SUMF1: variants seen among roughly 807,000 people sequenced by gnomAD.
SUMF1 encodes the protein sulfatase modifying factor 1.
In SUMF1, 48 loss-of-function variants were observed where a neutral mutation model predicts 47.6. The ratio of observed to expected loss-of-function variants is 1.01; its 90% CI spans 0.80 to 1.28. The LOEUF is 1.28. Ranked by LOEUF, SUMF1 falls within the 50% of genes most tolerant of loss-of-function variation. The pLI, the probability that SUMF1 is intolerant of heterozygous loss-of-function variation, is 0.00. For synonymous variants in SUMF1, 230 were observed against 192.1 expected (o/e 1.20, Z -1.63); for missense variants, 571 against 485.4 (o/e 1.18, Z -1.66).
chr3:4,147,965 G>T (rs1046497332), intron 8 of SUMF1, among the ~76,000 whole-genome samples: 1 of 152,058 alleles, frequency 6.6e-6, no homozygotes, highest in Non-Finnish European at 1.5e-5. Flanking sequence ...CACTATGCTA[G>T]GAAATCACAT....
chr3:4,270,013 T>G (rs1697272257), intron 8 of SUMF1, among the ~76,000 whole-genome samples: 1 of 152,140 alleles, frequency 6.6e-6, no homozygotes, highest in Non-Finnish European at 1.5e-5. Context: ...ACCATCTCAT[T>G]TAGTCCCCAC....
intron 8 of SUMF1, among the ~76,000 whole-genome samples, chr3:4,095,475 CA>C (rs1325570160): frequency 6.6e-6 from 1 of 152,016 alleles, no homozygotes; most frequent in Non-Finnish European, 1.5e-5. Context: ...CCACACCACA[CA>C]AGATTTAAGA....
intron 8 of SUMF1, among the ~76,000 whole-genome samples, chr3:4,076,413 C>T (rs1456926535): frequency 6.6e-6 from 1 of 152,084 alleles, no homozygotes; most frequent in Non-Finnish European, 1.5e-5. Flanking sequence ...CTAGGCAATA[C>T]CATTCAGGAC....
At chr3:4,079,218 T>C (rs1253190875) in intron 8 of SUMF1, among the ~76,000 whole-genome samples, 3 of 152,162 alleles carry the variant, frequency 2.0e-5, no homozygotes, top group African/African-American at 7.2e-5. Context: ...TTCCAGCTTC[T>C]GTAAATATTA....
intron 7 of SUMF1, among the ~76,000 whole-genome samples, chr3:4,380,474 A>T (rs985235598): frequency 6.6e-6 from 1 of 152,156 alleles, no homozygotes; most frequent in Non-Finnish European, 1.5e-5. Flanking sequence ...CATACTGAAT[A>T]TTATGCTGAT....
intron 8 of SUMF1, among the ~76,000 whole-genome samples, chr3:4,180,510 A>C (rs999168234): frequency 6.6e-6 from 1 of 151,412 alleles, no homozygotes; most frequent in Admixed American, 6.6e-5. Context: ...ACTTGGACAC[A>C]GGGCGAGGAA....
At chr3:4,311,426 T>A (rs1290554356) in intron 8 of SUMF1, among the ~76,000 whole-genome samples, 1 of 152,226 alleles carries the variant, frequency 6.6e-6, no homozygotes, top group African/African-American at 2.4e-5. Context: ...AGAACTGCTC[T>A]TACCCGACTG....
intron 9 of SUMF1, among the ~76,000 whole-genome samples, chr3:4,046,196 T>C (rs1695003765): frequency 1.3e-5 from 2 of 152,176 alleles, no homozygotes; most frequent in Non-Finnish European, 2.9e-5. Flanking sequence ...AGCTCCCAAG[T>C]GGCTGAGTGA....
At chr3:4,366,125 C>A (rs952967801) in intron 8 of SUMF1, among the ~76,000 whole-genome samples, 18 of 151,868 alleles carry the variant, frequency 1.2e-4, no homozygotes, top group African/African-American at 4.4e-4. Context: ...GGTAACCCGA[C>A]CTTTCTCTCT....
chr3:4,292,304 T>A (rs1697756335), intron 8 of SUMF1, among the ~76,000 whole-genome samples: 1 of 152,234 alleles, frequency 6.6e-6, no homozygotes, highest in Admixed American at 6.5e-5. Context: ...TCTTAAGTCA[T>A]TGATTAAACG....
In SUMF1 at chr3:4,268,579, C is replaced by T. The variant is rs1310737079; in HGVS notation, c.1014+107751G>A. On this transcript the variant is annotated intron_variant and NMD_transcript_variant, in intron 8 of 12. Transcript: ENST00000448413. ...TGATAGCTTCTGTTGGCACAGGAAACACTACTACATACTCAGAAACATACT... is the reference window on the plus strand; with the variant it reads ...TGATAGCTTCTGTTGGCACAGGAAATACTACTACATACTCAGAAACATACT... Among the ~76,000 whole-genome samples the T allele has an allele frequency of 2.2e-5, 3 of 137,108 alleles. No homozygotes were observed. The South Asian group carries it at 6.8e-4, about 31-fold the overall frequency. The allele number at this position is 137,108 out of a possible 152,430, so 89.9% of individuals were successfully genotyped here. A position where few individuals can be genotyped will look rare whatever the true frequency, so the allele number is the denominator to read the frequency against.
chr3:4,295,640 A>C (rs1037187738), intron 8 of SUMF1, among the ~76,000 whole-genome samples: 1 of 152,196 alleles, frequency 6.6e-6, no homozygotes, highest in African/African-American at 2.4e-5. Context: ...CATGATAATA[A>C]ATTTGTTCAT....
At chr3:4,380,174 A>C (rs575535134) in intron 7 of SUMF1, among the ~76,000 whole-genome samples, 1 of 152,294 alleles carries the variant, frequency 6.6e-6, no homozygotes, top group South Asian at 2.1e-4. Context: ...TAACCTAGAT[A>C]TCCATCAGCA....
intron 8 of SUMF1, among the ~76,000 whole-genome samples, chr3:4,263,723 C>T (rs1301813599): frequency 1.3e-5 from 2 of 152,178 alleles, no homozygotes; most frequent in African/African-American, 4.8e-5. Context: ...CCCTTGCCCC[C>T]TTATTAAGTT....
At chr3:4,245,140 A>C (rs749417565) in intron 8 of SUMF1, among the ~76,000 whole-genome samples, 1 of 152,068 alleles carries the variant, frequency 6.6e-6, no homozygotes, top group African/African-American at 2.4e-5. Context: ...CCATTCATCT[A>C]ACCTTTTTTC....
intron 8 of SUMF1, among the ~76,000 whole-genome samples, chr3:4,169,767 G>A (rs531023384): frequency 1.3e-5 from 2 of 152,248 alleles, no homozygotes; most frequent in East Asian, 1.9e-4. Flanking sequence ...GCTCAAGAGT[G>A]AGGCTAAATG....
chr3:4,379,089 A>T (rs1346432014), intron 7 of SUMF1, among the ~76,000 whole-genome samples: 1 of 152,220 alleles, frequency 6.6e-6, no homozygotes, highest in Non-Finnish European at 1.5e-5. Flanking sequence ...TCTTATAAAT[A>T]AAACTATTTT....
chr3:4,432,580 T>C (rs896754342), intron 3 of SUMF1, among the ~76,000 whole-genome samples: 1 of 152,176 alleles, frequency 6.6e-6, no homozygotes, highest in Non-Finnish European at 1.5e-5. Context: ...GCCTTGCTCA[T>C]TGTTTAGATT....
chr3:4,238,427 C>T (rs144969195), intron 8 of SUMF1, among the ~76,000 whole-genome samples: 13 of 152,152 alleles, frequency 8.5e-5, no homozygotes, highest in Non-Finnish European at 1.5e-4. Flanking sequence ...TCCAAATCCT[C>T]TCCAGCATCT....
Sources: allele counts gnomAD v4.1 joint callset (sites outside exome capture counted in the v4.1 genomes callset), GRCh38; gene constraint gnomAD v4.1.1; transcripts MANE v1.5; gene names NCBI Gene and HGNC (gene_info 2026-07-23, HGNC 2026-07-21).